The following RABGAP1L variants were observed in gnomAD, a reference collection of about 807,000 sequenced individuals.
RABGAP1L encodes rab GTPase-activating protein 1-like.
A neutral mutation model predicts 137.7 loss-of-function variants in RABGAP1L; 63 were observed. The ratio of observed to expected loss-of-function variants is 0.46; its 90% confidence interval spans 0.37 to 0.56. The LOEUF is 0.56. Ranked by LOEUF, RABGAP1L falls within the 20% of genes least tolerant of loss-of-function variation. RABGAP1L has a pLI of 0.00. For synonymous variants in RABGAP1L, 431 were observed against 433.7 expected (o/e 0.99, Z 0.08); for missense variants, 1,095 against 1,244.0 (o/e 0.88, Z 1.80).
chr1:174,201,177 A>G (rs1039724047), intron 1 of RABGAP1L, among the ~76,000 whole-genome samples: 2 of 151,656 alleles, frequency 1.3e-5, no homozygotes, highest in South Asian at 2.1e-4. Flanking sequence ...GCTGGTCTTG[A>G]ACTCTTGGCC....
At chr1:174,398,559 C>G (rs1222952983) in intron 13 of RABGAP1L, among the ~76,000 whole-genome samples, 1 of 152,034 alleles carries the variant, frequency 6.6e-6, no homozygotes, top group Non-Finnish European at 1.5e-5. Context: ...TGTCCATGGG[C>G]TGGAAAAAAG....
At chr1:174,633,593 A>T (rs1343459543) in intron 13 of RABGAP1L, among the ~76,000 whole-genome samples, 1 of 133,236 alleles carries the variant, frequency 7.5e-6, no homozygotes, top group African/African-American at 3.5e-5. Context: ...CTAAGCCAAA[A>T]GAACAAAGCT....
At chr1:174,354,749 G>A (rs1683475024) in intron 11 of RABGAP1L, among the ~76,000 whole-genome samples, 1 of 152,146 alleles carries the variant, frequency 6.6e-6, no homozygotes. Context: ...CCTATGTCCT[G>A]AATGGTATTG....
chr1:174,969,578 G>A (rs1162597548), intron 21 of RABGAP1L, among the ~76,000 whole-genome samples, 191 bp downstream of exon 21: 1 of 152,158 alleles, frequency 6.6e-6, no homozygotes, highest in Admixed American at 6.5e-5. Context: ...TTTCTAAATA[G>A]CATGTGTGAC....
intron 13 of RABGAP1L, among the ~76,000 whole-genome samples, chr1:174,532,418 A>T (rs549823148): frequency 8.5e-5 from 13 of 152,160 alleles, no homozygotes; most frequent in South Asian, 6.2e-4. Flanking sequence ...CATGTTGGCC[A>T]GGCTGGTCTT....
chr1:174,274,112 T>A (rs950740835), intron 8 of RABGAP1L, among the ~76,000 whole-genome samples: 13 of 152,292 alleles, frequency 8.5e-5, no homozygotes, highest in Non-Finnish European at 1.2e-4. Flanking sequence ...TTTTTTATAA[T>A]CACCTGAAAT....
chr1:174,891,415 T>C (rs1463921414), intron 19 of RABGAP1L, among the ~76,000 whole-genome samples: 1 of 152,220 alleles, frequency 6.6e-6, no homozygotes, highest in Non-Finnish European at 1.5e-5. Context: ...TTGATTAATG[T>C]ATTTTATTAA....
chr1:174,826,097 C>T (rs1691539392), intron 19 of RABGAP1L, among the ~76,000 whole-genome samples: 1 of 152,116 alleles, frequency 6.6e-6, no homozygotes, highest in Admixed American at 6.5e-5. Context: ...TCTCTATGTC[C>T]AGGTGTACTC....
intron 10 of RABGAP1L, among the ~76,000 whole-genome samples, chr1:174,286,394 G>T (rs755586093): frequency 1.3e-5 from 2 of 151,898 alleles, no homozygotes; most frequent in African/African-American, 4.8e-5. Context: ...TTGTATTTCT[G>T]TGGTATCAGT....
intron 14 of RABGAP1L, among the ~76,000 whole-genome samples, chr1:174,662,419 T>A (rs1676459364): frequency 6.7e-6 from 1 of 149,706 alleles, no homozygotes; most frequent in Admixed American, 6.7e-5. Context: ...GTTTGTTTGT[T>A]TGTTTGTTTG....
chr1:174,390,382 G>A (rs1687123713), intron 12 of RABGAP1L, among the ~76,000 whole-genome samples: 1 of 152,116 alleles, frequency 6.6e-6, no homozygotes, highest in Admixed American at 6.6e-5. Flanking sequence ...AGTATTCATT[G>A]GGGACTGTTG....
At chr1:174,250,686 G>A in intron 6 of RABGAP1L, 54 bp downstream of exon 6, 2 of 1,502,286 alleles carry the variant, frequency 1.3e-6, no homozygotes, top group South Asian at 1.3e-5. Flanking sequence ...TATAATATAG[G>A]CGCATATAAA....
chr1:174,983,271 C>G (rs888071927), intron 24 of RABGAP1L, among the ~76,000 whole-genome samples: 1 of 145,548 alleles, frequency 6.9e-6, no homozygotes, highest in Non-Finnish European at 1.5e-5. Flanking sequence ...TAGGATCATC[C>G]CATCACTCTC....
chr1:174,690,566 A>T (rs1678797914), intron 15 of RABGAP1L, among the ~76,000 whole-genome samples: 1 of 152,180 alleles, frequency 6.6e-6, no homozygotes, highest in Non-Finnish European at 1.5e-5. Context: ...CTTTTACATT[A>T]ATAATTATTT....
At chr1:174,585,849 A>G (rs1669072811) in intron 13 of RABGAP1L, among the ~76,000 whole-genome samples, 1 of 152,168 alleles carries the variant, frequency 6.6e-6, no homozygotes, top group African/African-American at 2.4e-5. Flanking sequence ...AATTGTTTCA[A>G]AGGAAGTAGT....
At chr1:174,225,175 A>G (rs1207427167) in intron 3 of RABGAP1L, among the ~76,000 whole-genome samples, 1 of 151,708 alleles carries the variant, frequency 6.6e-6, no homozygotes, top group East Asian at 1.9e-4. Context: ...GTTAATCTCC[A>G]TTCTGCTATT....
At chr1:174,636,021 AT>A (rs1258770443) in intron 13 of RABGAP1L, among the ~76,000 whole-genome samples, 1 of 152,226 alleles carries the variant, frequency 6.6e-6, no homozygotes, top group African/African-American at 2.4e-5. Context: ...TTAATTTGCA[AT>A]TAGTAGTCTG....
chr1:174,521,480 T>C (rs1300195929), intron 13 of RABGAP1L, among the ~76,000 whole-genome samples: 2 of 152,186 alleles, frequency 1.3e-5, no homozygotes, highest in East Asian at 1.9e-4. Flanking sequence ...TTTCAAAATA[T>C]AGCAAAAAAG....
intron 14 of RABGAP1L, among the ~76,000 whole-genome samples, chr1:174,652,166 C>A (rs1157953457): frequency 6.6e-6 from 1 of 152,186 alleles, no homozygotes; most frequent in Non-Finnish European, 1.5e-5. Flanking sequence ...TATCGGCCCC[C>A]ACTCTCTTCT....
Sources: allele counts gnomAD v4.1 joint callset (sites outside exome capture counted in the v4.1 genomes callset), GRCh38; gene constraint gnomAD v4.1.1; transcripts MANE v1.5; gene names NCBI Gene and HGNC (gene_info 2026-07-23, HGNC 2026-07-21).